The following ZC3H12B variants were observed in gnomAD, a reference collection of about 807,000 sequenced individuals.
ZC3H12B encodes zinc finger CCCH-type containing 12B.
ZC3H12B carries 7 observed loss-of-function variants against 43.9 expected under a neutral mutation model. The observed-to-expected ratio is 0.16, with a 90% CI of 0.09 to 0.30. The LOEUF is 0.30. Ranked by LOEUF, ZC3H12B falls within the 10% of genes least tolerant of loss-of-function variation. ZC3H12B has a pLI of 1.00. For synonymous variants in ZC3H12B, 222 were observed against 241.7 expected (o/e 0.92, Z 0.76); for missense variants, 475 against 670.2 (o/e 0.71, Z 3.22).
the ZC3H12B span, among the ~76,000 whole-genome samples, chrX:65,193,893 C>T: frequency 1.3e-3 from 146 of 111,321 alleles, no homozygotes; most frequent in African/African-American, 4.6e-3. Flanking sequence ...GCTCATGGCT[C>T]CACAGGGTGT....
intron 3 of ZC3H12B, among the ~76,000 whole-genome samples, chrX:65,450,013 T>A (rs1327487041): frequency 9.0e-6 from 1 of 110,522 alleles, no homozygotes; most frequent in East Asian, 2.8e-4. Context: ...AAATAAAAAA[T>A]ATATATTTTT....
intron 2 of ZC3H12B, among the ~76,000 whole-genome samples, chrX:65,374,487 T>G (rs1319555491): frequency 9.6e-6 from 1 of 103,687 alleles, no homozygotes; most frequent in Non-Finnish European, 2.0e-5. Context: ...ACGGATGGAG[T>G]AAGATGGCCA....
the ZC3H12B span, among the ~76,000 whole-genome samples, chrX:65,054,122 A>G: frequency 3.6e-5 from 4 of 111,595 alleles, no homozygotes; most frequent in Non-Finnish European, 5.7e-5. Flanking sequence ...ATTAGATCCC[A>G]TTTGTCAATT....
At chrX:65,347,466 G>A in the ZC3H12B span, among the ~76,000 whole-genome samples, 843 of 111,886 alleles carry the variant, frequency 7.5e-3, 7 homozygotes, top group African/African-American at 0.026. Context: ...ATTTATGCAG[G>A]CAACAGACAC....
the ZC3H12B span, among the ~76,000 whole-genome samples, chrX:65,236,367 C>T: frequency 7.2e-5 from 8 of 111,138 alleles, no homozygotes; most frequent in Non-Finnish European, 1.5e-4. Context: ...AAGGGTTTGT[C>T]CATGTTTTTT....
At chrX:65,188,994 T>A in the ZC3H12B span, among the ~76,000 whole-genome samples, 1 of 86,156 alleles carries the variant, frequency 1.2e-5, no homozygotes, top group Non-Finnish European at 2.2e-5. Flanking sequence ...CCCCTTCCTG[T>A]GTCCATGTGA....
chrX:65,314,667 G>T, the ZC3H12B span, among the ~76,000 whole-genome samples: 32 of 111,456 alleles, frequency 2.9e-4, no homozygotes, highest in Non-Finnish European at 5.3e-4. Context: ...ATTTTTTTAG[G>T]TTGAAGGGAA....
At chrX:65,134,923 C>T in the ZC3H12B span, among the ~76,000 whole-genome samples, 1 of 110,826 alleles carries the variant, frequency 9.0e-6, no homozygotes, top group Non-Finnish European at 1.9e-5. Context: ...TCACAAGGTG[C>T]TCAGTGGGGG....
intron 2 of ZC3H12B, among the ~76,000 whole-genome samples, chrX:65,389,914 C>A: frequency 8.9e-6 from 1 of 111,938 alleles, no homozygotes; most frequent in Non-Finnish European, 1.9e-5. Flanking sequence ...TGGGTATATA[C>A]CCAAAGGATT....
intron 2 of ZC3H12B, among the ~76,000 whole-genome samples, chrX:65,391,586 G>A (rs1173948655): frequency 1.8e-5 from 2 of 111,680 alleles, no homozygotes; most frequent in Non-Finnish European, 3.8e-5. Flanking sequence ...ATTGTTTGCT[G>A]GTCCCTTGGG....
the ZC3H12B span, among the ~76,000 whole-genome samples, chrX:65,086,061 T>G: frequency 9.1e-6 from 1 of 109,341 alleles, no homozygotes; most frequent in Non-Finnish European, 1.9e-5. Context: ...TTTTTTTTTT[T>G]TGGAACACGG....
intron 3 of ZC3H12B, among the ~76,000 whole-genome samples, chrX:65,458,983 A>C (rs2067683970): frequency 1.0e-5 from 1 of 95,456 alleles, no homozygotes; most frequent in Admixed American, 1.2e-4. Flanking sequence ...AAAGAAGAAA[A>C]GAGAGAAGAA....
chrX:65,338,573 C>T, the ZC3H12B span, among the ~76,000 whole-genome samples: 1 of 111,979 alleles, frequency 8.9e-6, no homozygotes, highest in African/African-American at 3.2e-5. Context: ...AAATAAAACT[C>T]TATGCCAATA....
the ZC3H12B span, among the ~76,000 whole-genome samples, chrX:65,051,855 A>T: frequency 9.0e-6 from 1 of 110,613 alleles, no homozygotes; most frequent in Admixed American, 9.7e-5. Context: ...TCACAGGGGT[A>T]CCTAAAACTG....
intron 2 of ZC3H12B, among the ~76,000 whole-genome samples, chrX:65,374,066 C>G (rs1489856835): frequency 1.9e-5 from 1 of 53,756 alleles, no homozygotes; most frequent in African/African-American, 1.3e-4. Context: ...TATATATATA[C>G]AGTATATATA....
At chrX:65,099,290 G>A in the ZC3H12B span, among the ~76,000 whole-genome samples, 1 of 111,877 alleles carries the variant, frequency 8.9e-6, no homozygotes, top group African/African-American at 3.2e-5. Flanking sequence ...TGCAGCTTCA[G>A]CGGACTTAAA....
chrX:65,240,276 AT>A, the ZC3H12B span, among the ~76,000 whole-genome samples: 7 of 109,805 alleles, frequency 6.4e-5, no homozygotes, highest in Admixed American at 6.8e-4. Context: ...TTGTTTTTTA[AT>A]TTTTTTTCCC....
chrX:65,336,583 G>A, the ZC3H12B span, among the ~76,000 whole-genome samples: 4 of 112,339 alleles, frequency 3.6e-5, no homozygotes, highest in African/African-American at 1.3e-4. Context: ...GAAGTGGATT[G>A]AAGGAGTTTC....
chrX:65,374,892 G>A (rs1050030629), intron 2 of ZC3H12B, among the ~76,000 whole-genome samples: 17 of 111,007 alleles, frequency 1.5e-4, no homozygotes, highest in African/African-American at 4.9e-4. Context: ...CATGAGAAAA[G>A]CATGAGGGTA....
Sources: allele counts gnomAD v4.1 joint callset (sites outside exome capture counted in the v4.1 genomes callset), GRCh38; gene constraint gnomAD v4.1.1; transcripts MANE v1.5; gene names NCBI Gene and HGNC (gene_info 2026-07-23, HGNC 2026-07-21).